CNTN5: variants seen among roughly 807,000 people sequenced by gnomAD.
CNTN5 encodes contactin 5.
In CNTN5, 77 loss-of-function variants were observed where a neutral mutation model predicts 129.1. That is an observed-to-expected ratio of 0.60 (90% CI 0.50 to 0.72). The LOEUF is 0.72. CNTN5 is among the 30% of genes least tolerant of loss of function. CNTN5 has a pLI of 0.00. For missense variants in CNTN5, 1,478 were observed against 1,328.8 expected, an observed-to-expected ratio of 1.11 and a Z score of -1.75; for synonymous variants, 509 against 465.6, an observed-to-expected ratio of 1.09 and a Z score of -1.20.
rs182541197 is a variant in CNTN5, at chr11:99,092,850, G to A, written c.-210+71580G>A. Among the ~76,000 whole-genome samples the A allele has an allele frequency of 6.6e-5, 10 of 152,014 alleles. No individual in the cohort carries two copies. In the East Asian group the frequency reaches 1.9e-3, roughly 29 times the overall value. On this transcript the variant is annotated intron_variant, in intron 1 of 24. Coordinates refer to ENST00000524871, the MANE Select transcript of CNTN5 (RefSeq NM_014361.4). The stretch of plus-strand genomic sequence containing the variant: ...GCTATATCTGGGTGGTGTTATTATG[G>A]TTTATGTTTGTTGTACCCTTTCTGT...
chr11:100,186,414 T>C (rs1401962452), intron 13 of CNTN5, among the ~76,000 whole-genome samples: 1 of 151,562 alleles, frequency 6.6e-6, no homozygotes, highest in Admixed American at 6.6e-5. Flanking sequence ...AAATATAGGG[T>C]CCAGAAAATG....
chr11:99,263,869 G>T (rs971451354), intron 1 of CNTN5, among the ~76,000 whole-genome samples: 8 of 151,884 alleles, frequency 5.3e-5, no homozygotes, highest in Non-Finnish European at 1.0e-4. Context: ...CTTCTGAAAA[G>T]TCAAATTAGC....
chr11:100,170,318 T>C (rs151024937), intron 13 of CNTN5, among the ~76,000 whole-genome samples: 2 of 152,118 alleles, frequency 1.3e-5, no homozygotes, highest in East Asian at 3.9e-4. Context: ...CAATTTTCAT[T>C]ACAAGAAATA....
intron 2 of CNTN5, among the ~76,000 whole-genome samples, chr11:99,554,832 A>T (rs772731012): frequency 6.6e-6 from 1 of 152,090 alleles, no homozygotes; most frequent in Non-Finnish European, 1.5e-5. Context: ...CAGTGTATAA[A>T]TAACCAAGAT....
chr11:99,131,269 A>C lies in CNTN5; in HGVS notation c.-210+109999A>C, dbSNP rs754348141. On this transcript the variant is annotated intron_variant, in intron 1 of 24. Transcript: ENST00000524871. ...TCTCAGAAAAAAAAAAAAAAAGAAA[A>C]ATTTATAGCACTAAATGACCACATC... Among the ~76,000 whole-genome samples the C allele has an allele frequency of 4.3e-4, 65 of 149,814 alleles. 1 individual carries two copies. Among genetic ancestry groups the C allele is most frequent in the Non-Finnish European group, 7.7e-4 (52 of 67,426 alleles).
chr11:100,252,076 A>G (rs1949972337), intron 16 of CNTN5, among the ~76,000 whole-genome samples: 1 of 151,912 alleles, frequency 6.6e-6, no homozygotes, highest in Non-Finnish European at 1.5e-5. Flanking sequence ...CTCACCAACA[A>G]TCGTTATTTT....
intron 1 of CNTN5, among the ~76,000 whole-genome samples, chr11:99,037,984 T>G (rs2135124424): frequency 6.6e-6 from 1 of 152,190 alleles, no homozygotes; most frequent in East Asian, 1.9e-4. Context: ...GGGTATTTAT[T>G]TAATTAATTT....
Position 100,121,432 on chromosome 11 carries a change from C to T in CNTN5, c.1580+47138C>T, listed in dbSNP as rs148360180. Among the ~76,000 whole-genome samples, 252 of 151,720 alleles carry T rather than the reference C, an allele frequency of 1.7e-3. 1 individual carries two copies. Among genetic ancestry groups the T allele is most frequent in the African/African-American group, 5.4e-3 (222 of 41,362 alleles). On this transcript the variant is annotated intron_variant, in intron 13 of 24. Coordinates refer to ENST00000524871, the MANE Select transcript of CNTN5 (RefSeq NM_014361.4). Reference sequence around the variant, plus strand: ...GAGATTTTTTTCTTCTTTGGTGTGACCAGACTGTAGACAGATAAGGGAACT... The same window carrying T: ...GAGATTTTTTTCTTCTTTGGTGTGATCAGACTGTAGACAGATAAGGGAACT...
chr11:100,263,681 G>T (rs1038355503), intron 17 of CNTN5, among the ~76,000 whole-genome samples: 1 of 152,090 alleles, frequency 6.6e-6, no homozygotes, highest in Non-Finnish European at 1.5e-5. Flanking sequence ...AACCACATGA[G>T]CAGATTTACT....
intron 21 of CNTN5, among the ~76,000 whole-genome samples, chr11:100,325,481 T>C (rs571391215): frequency 2.6e-5 from 4 of 152,068 alleles, no homozygotes; most frequent in African/African-American, 7.2e-5. Context: ...GTTATCAGAG[T>C]GTTTTCTAGG....
intron 15 of CNTN5, among the ~76,000 whole-genome samples, chr11:100,201,037 G>A (rs1463168686): frequency 6.6e-6 from 1 of 151,952 alleles, no homozygotes; most frequent in Non-Finnish European, 1.5e-5. Flanking sequence ...CTGGAATGAA[G>A]TGCCTATTAT....
intron 21 of CNTN5, among the ~76,000 whole-genome samples, chr11:100,330,005 C>A (rs1477686228): frequency 6.6e-6 from 1 of 152,114 alleles, no homozygotes; most frequent in Non-Finnish European, 1.5e-5. Context: ...AAAAAGAATT[C>A]AGAAGGTCAA....
At chr11:99,101,370 A>G (rs1866727488) in intron 1 of CNTN5, among the ~76,000 whole-genome samples, 1 of 152,160 alleles carries the variant, frequency 6.6e-6, no homozygotes, top group African/African-American at 2.4e-5. Context: ...CCAATCTTGC[A>G]TTCCCAACAG....
At chr11:99,705,663 A>G (rs1954724806) in intron 3 of CNTN5, among the ~76,000 whole-genome samples, 1 of 151,516 alleles carries the variant, frequency 6.6e-6, no homozygotes, top group Non-Finnish European at 1.5e-5. Flanking sequence ...ACCATGAGAC[A>G]GCATATTTAG....
At chr11:99,734,176 A>G (rs1407225747) in intron 3 of CNTN5, among the ~76,000 whole-genome samples, 2 of 152,188 alleles carry the variant, frequency 1.3e-5, no homozygotes, top group Admixed American at 1.3e-4. Flanking sequence ...ACACTGCGTA[A>G]TAATCATATC....
At chr11:99,633,573 C>T (rs1399246026) in intron 3 of CNTN5, among the ~76,000 whole-genome samples, 1 of 151,970 alleles carries the variant, frequency 6.6e-6, no homozygotes, top group Non-Finnish European at 1.5e-5. Context: ...GCAGCTTCTA[C>T]AAGCAAGATC....
intron 4 of CNTN5, among the ~76,000 whole-genome samples, chr11:99,841,875 CATACAT>C (rs142933755): frequency 0.018 from 1,503 of 83,086 alleles, 8 homozygotes; most frequent in Middle Eastern, 0.031. Flanking sequence ...CATATATACA[CATACAT>C]ATACATATAT....
chr11:99,893,499 G>A (rs986837346), intron 6 of CNTN5, among the ~76,000 whole-genome samples: 2 of 152,068 alleles, frequency 1.3e-5, no homozygotes, highest in African/African-American at 4.8e-5. Flanking sequence ...TGTTTGTTGA[G>A]CACCCACTAA....
rs556617177 is a variant in CNTN5 at position 99,853,549 on chromosome 11, G to A, written c.577+8287G>A. 7.6e-4 allele frequency among the ~76,000 whole-genome samples: 116 copies of A among 151,996 alleles called. 1 individual carries two copies. Among genetic ancestry groups the A allele is most frequent in the African/African-American group, 2.5e-3 (103 of 41,460 alleles). ...TGAGTAGTTGAGATTACAGGCATGC[G>A]CCACCATGCCTGGCTAATTTTTTGT... On this transcript the variant is annotated intron_variant, in intron 6 of 24. Transcript: ENST00000524871.
Sources: allele counts gnomAD v4.1 joint callset (sites outside exome capture counted in the v4.1 genomes callset), GRCh38; gene constraint gnomAD v4.1.1; transcripts MANE v1.5; gene names NCBI Gene and HGNC (gene_info 2026-07-23, HGNC 2026-07-21).